CHD9: variants seen among roughly 807,000 people sequenced by gnomAD.
The protein encoded by CHD9 is ATP-dependent chromatin remodeler CHD9.
Under a neutral mutation model 316.1 loss-of-function variants are expected in CHD9, and 77 were observed. The ratio of observed to expected loss-of-function variants is 0.24; its 90% CI spans 0.20 to 0.29. The LOEUF (loss-of-function observed/expected upper bound fraction) is 0.29, where lower values mean the gene tolerates loss of function less well. Ranked by LOEUF, CHD9 falls within the 10% of genes least tolerant of loss-of-function variation. The pLI, the probability that CHD9 is intolerant of heterozygous loss-of-function variation, is 1.00. For synonymous variants in CHD9, 1,129 were observed against 1,158.3 expected (o/e 0.97, Z 0.51); for missense variants, 2,763 against 3,438.1 (o/e 0.80, Z 4.91).
intron 15 of CHD9, among the ~76,000 whole-genome samples, chr16:53,246,272 GT>G (rs1342226408): frequency 1.3e-5 from 2 of 152,098 alleles, no homozygotes; most frequent in African/African-American, 2.4e-5. Context: ...TCTGTACAAT[GT>G]TTGGGTTTTT....
At chr16:53,056,890 G>A (rs1222297118) in intron 1 of CHD9, among the ~76,000 whole-genome samples, 1 of 152,214 alleles carries the variant, frequency 6.6e-6, no homozygotes, top group African/African-American at 2.4e-5. Flanking sequence ...ATTCTTCCCT[G>A]TAATCCCAGC....
At position 53,154,755 on chromosome 16, in the gene CHD9, C is replaced by T. The variant is rs369408612; in HGVS notation, c.-164-1171C>T. On this transcript the variant is annotated intron_variant, in intron 1 of 38. Transcript: ENST00000447540. Reference sequence around the variant, plus strand: ...CAGTAATGCTGGCTGACCTGCTGCTCATCTCCTGCCGTGCAGCCTGGTTTC... The same window carrying T: ...CAGTAATGCTGGCTGACCTGCTGCTTATCTCCTGCCGTGCAGCCTGGTTTC... Among the ~76,000 whole-genome samples the T allele has an allele frequency of 2.0e-4, 30 of 152,312 alleles. No individual in the cohort carries two copies. In the East Asian group the frequency reaches 4.8e-3, roughly 24 times the overall value.
rs1232078327 is a variant in CHD9 at position 53,146,417 on chromosome 16, ATG to A, written c.-164-9507_-164-9506del. On this transcript the variant is annotated intron_variant, in intron 1 of 38. Coordinates refer to ENST00000447540, the MANE Select transcript of CHD9 (RefSeq NM_001308319.2). ...AAAAAAAAAAATTGTGTGTGTGTGT[ATG>A]TATATATATATATATATAATTAAAA... Among the ~76,000 whole-genome samples the A allele has an allele frequency of 3.0e-5, 2 of 65,964 alleles. 1 individual carries two copies. Among genetic ancestry groups the A allele is most frequent in the South Asian group, 9.2e-4 (2 of 2,176 alleles). 43.3% of individuals were successfully genotyped at this position (65,964 alleles called of 152,430 possible).
chr16:53,267,996 G>A lies in CHD9; in HGVS notation c.4587G>A (p.Glu1529=), dbSNP rs373662313. Residue 1529 remains glutamate (E), a synonymous_variant, in exon 22 of 39, where the codon GAG becomes GAA. Transcript: ENST00000447540. ...GGCAGCTAAATGAACACGATGTAGA[G>A]ATAATTTGCCGAGCTCTCTTAGCAT... ...FKRQLNEHDV[E]IICRALLAYC... is the part of the protein sequence containing the mutation. The A allele has an allele frequency of 1.7e-4, 269 of 1,613,656 alleles. 1 individual carries two copies. In the Middle Eastern group the frequency reaches 2.5e-3, roughly 15 times the overall value.
At chr16:53,149,103 T>C (rs2040877147) in intron 1 of CHD9, among the ~76,000 whole-genome samples, 1 of 152,244 alleles carries the variant, frequency 6.6e-6, no homozygotes. Flanking sequence ...GTTTATTCCA[T>C]TGGAGTCAGA....
At chr16:53,081,839 GTGAATGAATGAA>G (rs57324357) in intron 1 of CHD9, among the ~76,000 whole-genome samples, 15 of 150,194 alleles carry the variant, frequency 1.0e-4, no homozygotes, top group African/African-American at 3.7e-4. Context: ...TGTCAAGTTT[GTGAATGAATGAA>G]TGAATGAATG....
chr16:53,307,524 T>C (rs1189626709), intron 32 of CHD9, among the ~76,000 whole-genome samples, 157 bp from the exon 33 acceptor site: 1 of 152,198 alleles, frequency 6.6e-6, no homozygotes, highest in Non-Finnish European at 1.5e-5. Flanking sequence ...AAATAACTTG[T>C]TGCAGAATTG....
intron 2 of CHD9, among the ~76,000 whole-genome samples, chr16:53,172,832 G>T (rs888303248): frequency 2.0e-5 from 3 of 152,058 alleles, no homozygotes; most frequent in Admixed American, 2.0e-4. Flanking sequence ...CTTTGGTGAA[G>T]TCCCTGAAAT....
chr16:53,155,223 C>A (rs2041425774), intron 1 of CHD9, among the ~76,000 whole-genome samples: 1 of 151,828 alleles, frequency 6.6e-6, no homozygotes. Context: ...TGAATAAAAT[C>A]AGTTTTGTTT....
At position 53,304,407 on chromosome 16, in the gene CHD9, C is replaced by G. The variant is rs1263413732; in HGVS notation, c.6401C>G (p.Ser2134Cys). 1.2e-6 allele frequency: 2 copies of G among 1,609,220 alleles called. No homozygotes were observed. Among genetic ancestry groups the G allele is most frequent in the Admixed American group, 3.4e-5 (2 of 59,304 alleles). Residue 2134 changes from serine to cysteine, a missense_variant, in exon 31 of 39, where the codon TCT becomes TGT. Transcript: ENST00000447540. ...HKRGSESSSD[S>C]DSDSERSSCS... The stretch of plus-strand genomic sequence containing the variant: ...AGGGGATCAGAATCTAGTTCTGATT[C>G]TGACTCAGATTCTGAGAGATCATCT...
chr16:53,145,184 T>C (rs1209102954), intron 1 of CHD9, among the ~76,000 whole-genome samples: 1 of 150,242 alleles, frequency 6.7e-6, no homozygotes, highest in Non-Finnish European at 1.5e-5. Flanking sequence ...AGACTTTAGC[T>C]CTTCTTGCCC....
intron 21 of CHD9, 32 bp downstream of exon 21, chr16:53,267,522 T>A: frequency 6.9e-7 from 1 of 1,443,930 alleles, no homozygotes; most frequent in Non-Finnish European, 9.5e-7. Context: ...TTGCTCTAAG[T>A]AGTCTGGTAT....
At chr16:53,191,871 A>G (rs2044503840) in intron 2 of CHD9, among the ~76,000 whole-genome samples, 1 of 152,148 alleles carries the variant, frequency 6.6e-6, no homozygotes, top group African/African-American at 2.4e-5. Context: ...ACTCTTTTAC[A>G]TTCCCACCAG....
intron 2 of CHD9, among the ~76,000 whole-genome samples, chr16:53,189,828 T>C (rs1198961196): frequency 1.3e-5 from 2 of 152,170 alleles, no homozygotes; most frequent in Non-Finnish European, 2.9e-5. Context: ...TAAATGAAGA[T>C]ATATTTTATT....
At chr16:53,143,757 T>G (rs1275890141) in intron 1 of CHD9, among the ~76,000 whole-genome samples, 1 of 152,178 alleles carries the variant, frequency 6.6e-6, no homozygotes, top group Non-Finnish European at 1.5e-5. Context: ...TGAAAATAAT[T>G]TAGGATACTT....
chr16:53,266,421 T>C (rs1444647360), intron 20 of CHD9, among the ~76,000 whole-genome samples: 3 of 152,222 alleles, frequency 2.0e-5, no homozygotes, highest in Non-Finnish European at 4.4e-5. Context: ...CCTGAAAATC[T>C]GATACCACTT....
At chr16:53,305,273 C>T (rs1792989099) in intron 31 of CHD9, among the ~76,000 whole-genome samples, 1 of 152,028 alleles carries the variant, frequency 6.6e-6, no homozygotes, top group African/African-American at 2.4e-5. Context: ...GTTGGCCAGG[C>T]TGGTCTCGAA....
chr16:53,153,826 C>T (rs971476686), intron 1 of CHD9, among the ~76,000 whole-genome samples: 5 of 152,118 alleles, frequency 3.3e-5, no homozygotes, highest in African/African-American at 9.7e-5. Context: ...AGGTGTGAGC[C>T]ACTGCACCTT....
At position 53,238,545 on chromosome 16, in the gene CHD9, C is replaced by A. The variant is rs749748957; in HGVS notation, c.2836C>A (p.Gln946Lys). Residue 946 changes from glutamine to lysine, a missense_variant, in exon 12 of 39, where the codon CAA becomes AAA. By Grantham distance (53) the Gln-to-Lys change is moderately conservative. This residue lies in a region of CHD9 where 186 missense variants were observed against 245.0 expected (regional missense o/e 0.76). Coordinates refer to ENST00000447540, the MANE Select transcript of CHD9 (RefSeq NM_001308319.2). ...VVYHGSLISR[Q>K]MIQQYEMYFR... ...TTATCATGGGAGCCTGATTAGCAGACAAATGATACAGCAATACGAGATGTA... is the reference window on the plus strand; with the variant it reads ...TTATCATGGGAGCCTGATTAGCAGAAAAATGATACAGCAATACGAGATGTA... 8 of 1,612,892 alleles carry A rather than the reference C, an allele frequency of 5.0e-6. No homozygotes were observed. In the South Asian group the frequency reaches 8.8e-5, roughly 18 times the overall value.
Sources: gnomAD v4.1 joint callset for allele counts (sites outside exome capture counted in the v4.1 genomes callset) on GRCh38, gnomAD v4.1.1 for gene constraint, gnomAD v4.1.1 regional missense constraint, MANE v1.5 for transcripts, NCBI Gene and HGNC (gene_info 2026-07-23, HGNC 2026-07-21) for gene names.